The following CTNND2 variants were observed in gnomAD, a reference collection of about 807,000 sequenced individuals.
The protein encoded by CTNND2 is catenin delta 2, also known as catenin delta-2.
A neutral mutation model predicts 144.4 loss-of-function variants in CTNND2; 22 were observed. The observed-to-expected ratio is 0.15, with a 90% CI of 0.11 to 0.22. CTNND2 has a LOEUF of 0.22. Among genes scored for constraint, CTNND2 ranks in the 10% least tolerant of loss-of-function variants. The pLI is 1.00. For missense variants in CTNND2, 1,353 were observed against 1,618.8 expected (o/e 0.84, Z 2.82); for synonymous variants, 751 against 695.6 (o/e 1.08, Z -1.25).
intron 21 of CTNND2, among the ~76,000 whole-genome samples, chr5:10,977,795 C>T (rs1736683604): frequency 6.6e-6 from 1 of 152,194 alleles, no homozygotes; most frequent in African/African-American, 2.4e-5. Flanking sequence ...TGACCTCAGA[C>T]ATTCAAACCA....
intron 9 of CTNND2, among the ~76,000 whole-genome samples, chr5:11,326,462 T>C (rs1055858779): frequency 4.6e-5 from 7 of 152,078 alleles, no homozygotes; most frequent in Admixed American, 6.6e-5. Context: ...TTGAAACTGA[T>C]TGGCAGGACC....
chr5:11,414,934 C>T (rs573710611), intron 3 of CTNND2, among the ~76,000 whole-genome samples: 13 of 152,320 alleles, frequency 8.5e-5, no homozygotes, highest in African/African-American at 2.2e-4. Context: ...ATGATCTCAT[C>T]CTTTTTCATG....
intron 5 of CTNND2, among the ~76,000 whole-genome samples, chr5:11,405,252 T>C (rs1482574083): frequency 6.6e-6 from 1 of 152,166 alleles, no homozygotes; most frequent in Non-Finnish European, 1.5e-5. Context: ...TAATGAGAAA[T>C]TTGCATTGTT....
At chr5:11,616,397 T>C (rs1003546655) in intron 2 of CTNND2, among the ~76,000 whole-genome samples, 1 of 152,226 alleles carries the variant, frequency 6.6e-6, no homozygotes, top group Non-Finnish European at 1.5e-5. Flanking sequence ...ACATGACCAA[T>C]AGTTTCCTAT....
chr5:11,514,027 A>T (rs1463338437), intron 3 of CTNND2, among the ~76,000 whole-genome samples: 1 of 152,136 alleles, frequency 6.6e-6, no homozygotes, highest in African/African-American at 2.4e-5. Flanking sequence ...AAAATTTAAA[A>T]AAAGAATTAG....
intron 12 of CTNND2, among the ~76,000 whole-genome samples, chr5:11,138,413 A>G (rs1265806643): frequency 2.0e-5 from 3 of 152,164 alleles, no homozygotes; most frequent in African/African-American, 4.8e-5. Flanking sequence ...TATTCTGTCA[A>G]TCCCAGGCTC....
intron 7 of CTNND2, among the ~76,000 whole-genome samples, chr5:11,370,294 A>G (rs1336250201): frequency 6.6e-6 from 1 of 152,110 alleles, no homozygotes; most frequent in Non-Finnish European, 1.5e-5. Context: ...TTCTGAATAC[A>G]ACCCCCAAGA....
At chr5:11,317,114 A>G (rs1751590734) in intron 9 of CTNND2, among the ~76,000 whole-genome samples, 1 of 152,190 alleles carries the variant, frequency 6.6e-6, no homozygotes, top group Admixed American at 6.5e-5. Context: ...CAAAACCACA[A>G]TGAGGTACCA....
rs186018981 is a variant in CTNND2, at chr5:11,173,308, T to C, written c.1976-13549A>G. Among the ~76,000 whole-genome samples, 99 of 152,378 alleles carry C rather than the reference T, an allele frequency of 6.5e-4. 1 individual carries two copies. The highest frequency in any genetic ancestry group is 5.8e-3 in the East Asian group (30 of 5,186). ...CCCTAGGGCTGGGAAGCCTTGTGGC[T>C]AGAGCAGCCTCTCTTCACGGCTCCC... On this transcript the variant is annotated intron_variant, in intron 11 of 21. Transcript: ENST00000304623.
At chr5:11,873,729 T>C (rs1246207925) in intron 1 of CTNND2, among the ~76,000 whole-genome samples, 1 of 152,194 alleles carries the variant, frequency 6.6e-6, no homozygotes, top group African/African-American at 2.4e-5. Flanking sequence ...TGCGTGGGAA[T>C]TTCCCAACTG....
intron 21 of CTNND2, among the ~76,000 whole-genome samples, chr5:10,977,661 C>T (rs1736665174): frequency 6.6e-6 from 1 of 152,156 alleles, no homozygotes; most frequent in Admixed American, 6.5e-5. Flanking sequence ...CTATGTTGCC[C>T]AAGCTGGTCT....
At chr5:11,487,912 T>C (rs1362616433) in intron 3 of CTNND2, among the ~76,000 whole-genome samples, 1 of 152,150 alleles carries the variant, frequency 6.6e-6, no homozygotes, top group Non-Finnish European at 1.5e-5. Flanking sequence ...TGTTAAACAT[T>C]TTCCAGCATA....
chr5:11,859,533 G>A (rs894284479), intron 1 of CTNND2, among the ~76,000 whole-genome samples: 1 of 152,010 alleles, frequency 6.6e-6, no homozygotes, highest in African/African-American at 2.4e-5. Flanking sequence ...CGGCTCTGGG[G>A]GACCTCTTAT....
At chr5:11,276,882 G>T (rs1257142243) in intron 9 of CTNND2, among the ~76,000 whole-genome samples, 1 of 152,172 alleles carries the variant, frequency 6.6e-6, no homozygotes, top group African/African-American at 2.4e-5. Context: ...GGGGCCACTG[G>T]AAACTAAAAG....
chr5:11,700,365 G>C (rs1785371987), intron 2 of CTNND2, among the ~76,000 whole-genome samples: 1 of 152,132 alleles, frequency 6.6e-6, no homozygotes, highest in African/African-American at 2.4e-5. Context: ...GCTCCAGCCT[G>C]GGCAACAGAG....
At chr5:11,607,906 T>C (rs947514013) in intron 2 of CTNND2, among the ~76,000 whole-genome samples, 3 of 152,166 alleles carry the variant, frequency 2.0e-5, no homozygotes, top group Non-Finnish European at 2.9e-5. Flanking sequence ...GTTGACACTG[T>C]GCATTAGAAG....
At chr5:11,137,537 T>C (rs1580390626) in intron 12 of CTNND2, among the ~76,000 whole-genome samples, 3 of 152,210 alleles carry the variant, frequency 2.0e-5, no homozygotes, top group African/African-American at 7.2e-5. Context: ...ACTATTTCCA[T>C]GTAGTTGTAG....
chr5:11,691,628 T>A (rs1167118109), intron 2 of CTNND2, among the ~76,000 whole-genome samples: 1 of 151,812 alleles, frequency 6.6e-6, no homozygotes, highest in Admixed American at 6.6e-5. Context: ...AAGAAGCAAG[T>A]TGGGGTGGCT....
intron 9 of CTNND2, among the ~76,000 whole-genome samples, chr5:11,302,422 T>C (rs773496073): frequency 6.6e-6 from 1 of 152,074 alleles, no homozygotes; most frequent in Non-Finnish European, 1.5e-5. Context: ...TCTTTCAACA[T>C]AGGAAGTTAT....
Sources: allele counts gnomAD v4.1 joint callset (sites outside exome capture counted in the v4.1 genomes callset), GRCh38; gene constraint gnomAD v4.1.1; transcripts MANE v1.5; gene names NCBI Gene and HGNC (gene_info 2026-07-23, HGNC 2026-07-21).